The following PDS5A variants were observed in gnomAD, a reference collection of about 807,000 sequenced individuals.
PDS5A encodes the protein sister chromatid cohesion protein PDS5 homolog A.
PDS5A carries 42 observed loss-of-function variants against 167.1 expected under a neutral mutation model. The observed-to-expected ratio is 0.25, with a 90% CI of 0.20 to 0.33. The LOEUF is 0.33. PDS5A is among the 10% of genes least tolerant of loss of function. PDS5A has a pLI of 1.00. For missense variants in PDS5A, 1,033 were observed against 1,605.9 expected (o/e 0.64, Z 6.10); for synonymous variants, 553 against 554.6 (o/e 1.00, Z 0.04).
chr4:39,889,326 C>T (rs192340885), intron 17 of PDS5A, among the ~76,000 whole-genome samples: 1 of 152,328 alleles, frequency 6.6e-6, no homozygotes, highest in Admixed American at 6.5e-5. Flanking sequence ...CTTACACCTC[C>T]AGAACTGTGA....
At chr4:39,874,476 T>C (rs1489184471) in intron 19 of PDS5A, 64 bp from the exon 20 acceptor site, 12 of 1,398,580 alleles carry the variant, frequency 8.6e-6, no homozygotes, top group African/African-American at 2.9e-5. Flanking sequence ...ATTCCTTTGG[T>C]TGACTTCCAC....
intron 31 of PDS5A, among the ~76,000 whole-genome samples, chr4:39,839,259 T>C (rs953345742): frequency 6.6e-6 from 1 of 151,872 alleles, no homozygotes; most frequent in Non-Finnish European, 1.5e-5. Context: ...AGAGTTTAGA[T>C]AGCAAGAGAT....
intron 16 of PDS5A, among the ~76,000 whole-genome samples, chr4:39,897,738 TG>T (rs2109642206): frequency 6.6e-6 from 1 of 152,144 alleles, no homozygotes; most frequent in Non-Finnish European, 1.5e-5. Flanking sequence ...TGGATGCGTG[TG>T]CCAATAGTTC....
intron 5 of PDS5A, 52 bp from the exon 6 acceptor site, chr4:39,922,800 A>C: frequency 7.3e-7 from 1 of 1,362,718 alleles, no homozygotes; most frequent in South Asian, 2.2e-5. Flanking sequence ...AAAGAAGAGA[A>C]TTCAAGCTTC....
chr4:39,969,435 G>A (rs1191276962), intron 2 of PDS5A, among the ~76,000 whole-genome samples: 1 of 152,180 alleles, frequency 6.6e-6, no homozygotes, highest in East Asian at 1.9e-4. Flanking sequence ...GGGAGGTCGA[G>A]GTGGGTGGAT....
At chr4:39,930,246 A>AAAAAAAAAAAAAAAAAAAAAATTTTTTTT in intron 2 of PDS5A, among the ~76,000 whole-genome samples, 1 of 93,090 alleles carries the variant, frequency 1.1e-5, no homozygotes, top group Non-Finnish European at 2.2e-5. Flanking sequence ...AAAAAAAAAA[A>AAAAAAAAAAAAAAAAAAAAAATTTTTTTT]GTTTTTTTGT....
At chr4:39,923,301 C>A (rs542848080) in intron 5 of PDS5A, among the ~76,000 whole-genome samples, 1 of 142,390 alleles carries the variant, frequency 7.0e-6, no homozygotes, top group Non-Finnish European at 1.5e-5. Context: ...GCACTCCGGC[C>A]TGGGCAACAG....
intron 17 of PDS5A, among the ~76,000 whole-genome samples, chr4:39,885,068 G>C (rs745729026): frequency 2.5e-4 from 38 of 151,786 alleles, no homozygotes; most frequent in Non-Finnish European, 4.1e-4. Flanking sequence ...CTCGAGACCA[G>C]CCTGGCCAAG....
At chr4:39,836,377 G>A (rs1034521809) in intron 32 of PDS5A, among the ~76,000 whole-genome samples, 1 of 152,194 alleles carries the variant, frequency 6.6e-6, no homozygotes, top group East Asian at 1.9e-4. Flanking sequence ...ATTGCCAAGA[G>A]GGCACTTAGA....
At chr4:39,829,122 T>C (rs1190078679) in intron 32 of PDS5A, among the ~76,000 whole-genome samples, 1 of 152,198 alleles carries the variant, frequency 6.6e-6, no homozygotes, top group Non-Finnish European at 1.5e-5. Flanking sequence ...GGCACCTCTA[T>C]GTCTTCTCTT....
chr4:39,843,797 C>A (rs1717292616), intron 30 of PDS5A, among the ~76,000 whole-genome samples: 1 of 152,042 alleles, frequency 6.6e-6, no homozygotes, highest in South Asian at 2.1e-4. Flanking sequence ...ACTTAGAATG[C>A]TATATATTAA....
intron 2 of PDS5A, among the ~76,000 whole-genome samples, chr4:39,946,444 G>A (rs771915475): frequency 6.6e-6 from 1 of 151,924 alleles, no homozygotes; most frequent in Non-Finnish European, 1.5e-5. Context: ...TATATCAGTT[G>A]CCAAAAATAT....
At chr4:39,838,968 A>G (rs1046386885) in intron 31 of PDS5A, among the ~76,000 whole-genome samples, 6 of 152,138 alleles carry the variant, frequency 3.9e-5, no homozygotes, top group African/African-American at 1.4e-4. Flanking sequence ...AGCCTGGGCA[A>G]CAAGAGCAAA....
intron 13 of PDS5A, among the ~76,000 whole-genome samples, chr4:39,901,859 A>G (rs1474934184): frequency 6.6e-6 from 1 of 152,204 alleles, no homozygotes; most frequent in African/African-American, 2.4e-5. Flanking sequence ...AATCTATTAA[A>G]GTGAAATGAC....
intron 5 of PDS5A, among the ~76,000 whole-genome samples, chr4:39,923,638 A>AACACACACACACACACAC (rs10664167): frequency 0.049 from 6,082 of 125,012 alleles, 196 homozygotes; most frequent in Middle Eastern, 0.088. Flanking sequence ...CCTGTCTCAA[A>AACACACACACACACACAC]ACACACACAC....
chr4:39,955,921 C>A (rs1353793656), intron 2 of PDS5A, among the ~76,000 whole-genome samples: 1 of 151,922 alleles, frequency 6.6e-6, no homozygotes, highest in Non-Finnish European at 1.5e-5. Flanking sequence ...TCGAGACCAG[C>A]CTGGCCAACA....
At chr4:39,877,356 C>A (rs2109584181) in intron 18 of PDS5A, among the ~76,000 whole-genome samples, 1 of 152,112 alleles carries the variant, frequency 6.6e-6, no homozygotes, top group Non-Finnish European at 1.5e-5. Context: ...TCCAGTTATT[C>A]CTTGACACAA....
At position 39,900,423 on chromosome 4, in the gene PDS5A, T is replaced by C. The variant is rs758739941; in HGVS notation, c.1581+3A>G. The C allele has an allele frequency of 1.3e-6, 2 of 1,551,234 alleles. No homozygotes were observed. Among genetic ancestry groups the C allele is most frequent in the Admixed American group, 3.7e-5 (2 of 53,466 alleles). Reference sequence around the variant, plus strand: ...TATGAATTTAAACAAATCATGAACCTACTGTAGGCTGCTTGTGCAAATCCA... The same window carrying C: ...TATGAATTTAAACAAATCATGAACCCACTGTAGGCTGCTTGTGCAAATCCA... On this transcript the variant is annotated splice_donor_region_variant and intron_variant, in intron 14 of 32. Coordinates refer to ENST00000303538, the MANE Select transcript of PDS5A (RefSeq NM_001100399.2).
chr4:39,864,699 G>A (rs1719279160), intron 23 of PDS5A, among the ~76,000 whole-genome samples: 1 of 152,150 alleles, frequency 6.6e-6, no homozygotes, highest in East Asian at 1.9e-4. Context: ...GGTTTCTATG[G>A]CATTCATTCA....
Sources: gnomAD v4.1 joint callset for allele counts (sites outside exome capture counted in the v4.1 genomes callset) on GRCh38, gnomAD v4.1.1 for gene constraint, MANE v1.5 for transcripts, NCBI Gene and HGNC (gene_info 2026-07-23, HGNC 2026-07-21) for gene names.